Variants in CPQ observed in about 807,000 individuals in gnomAD.
The protein encoded by CPQ is carboxypeptidase Q, also known as Ser-Met dipeptidase.
A neutral mutation model predicts 45.7 loss-of-function variants in CPQ; 37 were observed. The ratio of observed to expected loss-of-function variants is 0.81; its 90% confidence interval spans 0.62 to 1.07. The LOEUF (loss-of-function observed/expected upper bound fraction) is 1.07, where lower values mean the gene tolerates loss of function less well. Among genes scored for constraint, CPQ ranks in the 50% least tolerant of loss-of-function variants. The probability of loss-of-function intolerance (pLI) is 0.00; values close to 1 mark genes in which losing one functional copy is unlikely to be tolerated. For synonymous variants in CPQ, 186 were observed against 205.8 expected (o/e 0.90, Z 0.82); for missense variants, 537 against 572.9 (o/e 0.94, Z 0.64).
At chr8:97,044,603 AT>A (rs1586511789) in intron 6 of CPQ, among the ~76,000 whole-genome samples, 1 of 151,754 alleles carries the variant, frequency 6.6e-6, no homozygotes, top group Admixed American at 6.6e-5. Context: ...TTTTTTCCCC[AT>A]CTTTGTGGTT....
At chr8:96,773,967 C>T (rs1051285483) in intron 1 of CPQ, among the ~76,000 whole-genome samples, 2 of 152,100 alleles carry the variant, frequency 1.3e-5, no homozygotes, top group Admixed American at 1.3e-4. Flanking sequence ...AATACTGTTG[C>T]AGGGGATTAC....
At chr8:97,116,617 C>T (rs1027318629) in intron 7 of CPQ, among the ~76,000 whole-genome samples, 3 of 152,108 alleles carry the variant, frequency 2.0e-5, no homozygotes, top group Non-Finnish European at 4.4e-5. Flanking sequence ...CTGGTATTTT[C>T]TTTTAACTTT....
At chr8:96,730,866 C>CATACATACATATATAT (rs56216136) in intron 1 of CPQ, among the ~76,000 whole-genome samples, 8 of 68,710 alleles carry the variant, frequency 1.2e-4, no homozygotes, top group African/African-American at 2.5e-4. Flanking sequence ...ACCATACATA[C>CATACATACATATATAT]ATATATATAT....
chr8:96,802,511 A>G (rs1811020136), intron 2 of CPQ, among the ~76,000 whole-genome samples: 1 of 152,226 alleles, frequency 6.6e-6, no homozygotes, highest in South Asian at 2.1e-4. Flanking sequence ...GGAGAGCTGA[A>G]TAGACCAAGG....
intron 7 of CPQ, among the ~76,000 whole-genome samples, chr8:97,114,995 G>C (rs959923294): frequency 6.6e-6 from 1 of 152,110 alleles, no homozygotes; most frequent in Non-Finnish European, 1.5e-5. Context: ...TTTCCTCCTG[G>C]ACAGTTTCCA....
At chr8:96,862,434 T>C (rs1052358670) in intron 3 of CPQ, among the ~76,000 whole-genome samples, 2 of 151,942 alleles carry the variant, frequency 1.3e-5, no homozygotes, top group African/African-American at 4.8e-5. Context: ...TTAGGCTATC[T>C]CAATTTTGGA....
chr8:97,116,266 A>G (rs1331647604), intron 7 of CPQ, among the ~76,000 whole-genome samples: 1 of 152,206 alleles, frequency 6.6e-6, no homozygotes, highest in African/African-American at 2.4e-5. Flanking sequence ...AGATGTCTGA[A>G]TTCCTCAGGA....
intron 3 of CPQ, among the ~76,000 whole-genome samples, chr8:96,875,898 A>G (rs1443641217): frequency 1.3e-5 from 2 of 152,010 alleles, no homozygotes; most frequent in Non-Finnish European, 2.9e-5. Flanking sequence ...GGGCATTGCC[A>G]TGTTAACAAT....
chr8:96,692,426 T>G (rs1809316775), intron 1 of CPQ, among the ~76,000 whole-genome samples: 1 of 152,050 alleles, frequency 6.6e-6, no homozygotes, highest in African/African-American at 2.4e-5. Flanking sequence ...ACAGTCCCAG[T>G]GTTGGTGACT....
chr8:96,733,279 C>G (rs1809938506), intron 1 of CPQ, among the ~76,000 whole-genome samples: 1 of 152,174 alleles, frequency 6.6e-6, no homozygotes, highest in African/African-American at 2.4e-5. Flanking sequence ...ATTTAAAAGC[C>G]TCTTCCAATC....
At chr8:97,110,905 A>T (rs1427868440) in intron 7 of CPQ, among the ~76,000 whole-genome samples, 1 of 152,216 alleles carries the variant, frequency 6.6e-6, no homozygotes, top group Non-Finnish European at 1.5e-5. Flanking sequence ...AGTGTATTAC[A>T]GTATTGCAGC....
chr8:96,769,517 T>C (rs1254729225), intron 1 of CPQ, among the ~76,000 whole-genome samples: 2 of 151,950 alleles, frequency 1.3e-5, no homozygotes, highest in East Asian at 3.9e-4. Flanking sequence ...CATCCTCAGC[T>C]AACAAAAGGA....
At chr8:97,024,817 T>C (rs1270122390) in intron 5 of CPQ, among the ~76,000 whole-genome samples, 1 of 152,214 alleles carries the variant, frequency 6.6e-6, no homozygotes, top group African/African-American at 2.4e-5. Context: ...TCTCTTTAAG[T>C]GTAGGCACTC....
At chr8:96,649,033 G>A (rs1278147116) in intron 1 of CPQ, among the ~76,000 whole-genome samples, 2 of 152,248 alleles carry the variant, frequency 1.3e-5, no homozygotes, top group African/African-American at 4.8e-5. Context: ...CCAGGCTGGA[G>A]TGCCGTGGCA....
At chr8:96,719,461 C>T (rs1203110853) in intron 1 of CPQ, among the ~76,000 whole-genome samples, 1 of 152,212 alleles carries the variant, frequency 6.6e-6, no homozygotes, top group Non-Finnish European at 1.5e-5. Flanking sequence ...GCCACTCGCG[C>T]CTCTCCCTCC....
intron 1 of CPQ, among the ~76,000 whole-genome samples, chr8:96,738,616 C>A (rs954985485): frequency 6.6e-6 from 1 of 152,106 alleles, no homozygotes; most frequent in Non-Finnish European, 1.5e-5. Context: ...CCCACTCCCC[C>A]CAACCCACAA....
chr8:97,000,073 A>C (rs1563550431), intron 5 of CPQ, among the ~76,000 whole-genome samples: 1 of 150,756 alleles, frequency 6.6e-6, no homozygotes, highest in Non-Finnish European at 1.5e-5. Flanking sequence ...TCCTTTGCCC[A>C]CTTTTTAATA....
chr8:97,078,040 A>G (rs1193223379), intron 7 of CPQ, among the ~76,000 whole-genome samples: 1 of 152,156 alleles, frequency 6.6e-6, no homozygotes, highest in Non-Finnish European at 1.5e-5. Flanking sequence ...AAGATGATTT[A>G]TTTATTTTTT....
At chr8:96,994,837 T>C (rs1467153003) in intron 5 of CPQ, among the ~76,000 whole-genome samples, 2 of 152,018 alleles carry the variant, frequency 1.3e-5, no homozygotes, top group Admixed American at 1.3e-4. Context: ...AATAACATGA[T>C]AAAAATACTT....
Sources: gnomAD v4.1 joint callset for allele counts (sites outside exome capture counted in the v4.1 genomes callset) on GRCh38, gnomAD v4.1.1 for gene constraint, MANE v1.5 for transcripts, NCBI Gene and HGNC (gene_info 2026-07-23, HGNC 2026-07-21) for gene names.